EXOC4: variants seen among roughly 807,000 people sequenced by gnomAD.
EXOC4 encodes the protein exocyst complex component 4.
Under a neutral mutation model 107.2 loss-of-function variants are expected in EXOC4, and 71 were observed. That is an observed-to-expected ratio of 0.66 (90% CI 0.55 to 0.81). The LOEUF (loss-of-function observed/expected upper bound fraction) is 0.81, where lower values mean the gene tolerates loss of function less well. Ranked by LOEUF, EXOC4 falls within the 30% of genes least tolerant of loss-of-function variation. The pLI, the probability that EXOC4 is intolerant of heterozygous loss-of-function variation, is 0.00. For synonymous variants in EXOC4, 456 were observed against 441.2 expected (o/e 1.03, Z -0.42); for missense variants, 1,108 against 1,189.6 (o/e 0.93, Z 1.01).
chr7:133,726,486 G>C (rs978254009), intron 10 of EXOC4, among the ~76,000 whole-genome samples: 3 of 152,144 alleles, frequency 2.0e-5, no homozygotes, highest in African/African-American at 7.2e-5. Flanking sequence ...GCCTTTAATG[G>C]CTCCCCATTG....
chr7:134,016,427 C>T (rs756574452), intron 17 of EXOC4, among the ~76,000 whole-genome samples: 6 of 152,180 alleles, frequency 3.9e-5, no homozygotes, highest in Admixed American at 2.0e-4. Flanking sequence ...CAGAACACAG[C>T]TCATGAAGAC....
At chr7:133,661,696 A>C (rs13312255) in intron 10 of EXOC4, among the ~76,000 whole-genome samples, 7,930 of 149,550 alleles carry the variant, frequency 0.053, 323 homozygotes, top group Middle Eastern at 0.13. Context: ...AAACAAAAAA[A>C]AAAAAAACAA....
intron 9 of EXOC4, among the ~76,000 whole-genome samples, chr7:133,522,348 G>C (rs571514209): frequency 2.6e-4 from 39 of 152,208 alleles, no homozygotes; most frequent in African/African-American, 8.7e-4. Context: ...CACAACAACA[G>C]CTTCTTCCGC....
chr7:133,658,967 C>T (rs1803366012), intron 10 of EXOC4, among the ~76,000 whole-genome samples: 1 of 141,724 alleles, frequency 7.1e-6, no homozygotes, highest in South Asian at 2.3e-4. Context: ...GTAACCTTAG[C>T]CAATCATTGA....
chr7:133,533,408 A>G (rs1162153663), intron 9 of EXOC4, among the ~76,000 whole-genome samples: 1 of 151,976 alleles, frequency 6.6e-6, no homozygotes, highest in Non-Finnish European at 1.5e-5. Flanking sequence ...GTGGATGCCT[A>G]CTCTTTTCAA....
intron 11 of EXOC4, among the ~76,000 whole-genome samples, chr7:133,842,465 T>C (rs1275874564): frequency 6.6e-6 from 1 of 152,234 alleles, no homozygotes; most frequent in African/African-American, 2.4e-5. Flanking sequence ...AAAGTATCTG[T>C]TCATGTCCTT....
intron 9 of EXOC4, among the ~76,000 whole-genome samples, chr7:133,565,739 T>A (rs1350690184): frequency 6.6e-6 from 1 of 152,164 alleles, no homozygotes; most frequent in Non-Finnish European, 1.5e-5. Context: ...ATCTTCTGGG[T>A]TTTTGTTTTT....
intron 9 of EXOC4, among the ~76,000 whole-genome samples, chr7:133,565,500 C>T (rs1319824178): frequency 6.6e-6 from 1 of 152,094 alleles, no homozygotes; most frequent in Non-Finnish European, 1.5e-5. Flanking sequence ...CTCGTTAAAA[C>T]ACAGATTGCT....
At chr7:133,354,518 A>G (rs1795981851) in intron 5 of EXOC4, among the ~76,000 whole-genome samples, 1 of 152,106 alleles carries the variant, frequency 6.6e-6, no homozygotes, top group Non-Finnish European at 1.5e-5. Flanking sequence ...GGAGCAAGAG[A>G]AAAATAAAGG....
chr7:133,905,790 A>G (rs143772734), intron 12 of EXOC4, among the ~76,000 whole-genome samples: 36 of 152,198 alleles, frequency 2.4e-4, no homozygotes, highest in African/African-American at 7.9e-4. Context: ...CCCTTTCACA[A>G]CTTCAGAGAG....
At chr7:133,686,021 G>A (rs6467502) in intron 10 of EXOC4, among the ~76,000 whole-genome samples, 150,050 of 152,306 alleles carry the variant, frequency 0.99, 73,962 homozygotes, top group Middle Eastern at 1. Context: ...TTCTATCTAT[G>A]TTGCTGCAAT....
chr7:133,576,534 C>A, intron 9 of EXOC4: 1 of 1,289,344 alleles, frequency 7.8e-7, no homozygotes, highest in Non-Finnish European at 1.0e-6. Context: ...TTAGTAACAG[C>A]AAGCAAAACC....
At chr7:133,543,427 A>T (rs1800419483) in intron 9 of EXOC4, among the ~76,000 whole-genome samples, 1 of 152,024 alleles carries the variant, frequency 6.6e-6, no homozygotes. Flanking sequence ...TTATATTTAT[A>T]CTGTGGGCAT....
chr7:133,895,903 C>G (rs968553174), intron 12 of EXOC4, among the ~76,000 whole-genome samples, 168 bp downstream of exon 12: 1 of 152,102 alleles, frequency 6.6e-6, no homozygotes, highest in Non-Finnish European at 1.5e-5. Context: ...TGTAGTCAGA[C>G]CAACAGAGAG....
intron 9 of EXOC4, among the ~76,000 whole-genome samples, chr7:133,521,491 T>G (rs910186405): frequency 2.6e-5 from 4 of 152,236 alleles, no homozygotes; most frequent in Admixed American, 2.0e-4. Flanking sequence ...CTTTGAAATT[T>G]GTATTCTCCC....
chr7:133,456,868 T>G (rs540934360), intron 7 of EXOC4, among the ~76,000 whole-genome samples: 76 of 152,170 alleles, frequency 5.0e-4, no homozygotes, highest in Non-Finnish European at 7.8e-4. Flanking sequence ...GCCATAGAAT[T>G]TGAAGAACAC....
intron 11 of EXOC4, among the ~76,000 whole-genome samples, chr7:133,843,419 T>A (rs1453054096): frequency 6.6e-6 from 1 of 152,164 alleles, no homozygotes; most frequent in East Asian, 1.9e-4. Context: ...ATTGTATTCT[T>A]TTTGTGGCTA....
At chr7:133,767,151 A>G (rs1796155635) in intron 10 of EXOC4, among the ~76,000 whole-genome samples, 1 of 151,806 alleles carries the variant, frequency 6.6e-6, no homozygotes, top group Admixed American at 6.6e-5. Flanking sequence ...TCTCTCTGAA[A>G]TGCCAATCTA....
intron 14 of EXOC4, 86 bp downstream of exon 14, chr7:133,938,155 C>A: frequency 7.4e-7 from 1 of 1,359,286 alleles, no homozygotes; most frequent in South Asian, 1.3e-5. Context: ...GTACACTGGT[C>A]ACCGTATGGG....
Sources: allele counts gnomAD v4.1 joint callset (sites outside exome capture counted in the v4.1 genomes callset), GRCh38; gene constraint gnomAD v4.1.1; transcripts MANE v1.5; gene names NCBI Gene and HGNC (gene_info 2026-07-23, HGNC 2026-07-21).